The following SORCS1 variants were observed in gnomAD, a reference collection of about 807,000 sequenced individuals.
The protein encoded by SORCS1 is VPS10 domain-containing receptor SorCS1.
In SORCS1, 60 loss-of-function variants were observed where a neutral mutation model predicts 146.1. The ratio of observed to expected loss-of-function variants is 0.41; its 90% CI spans 0.33 to 0.51. The LOEUF (loss-of-function observed/expected upper bound fraction) is 0.51. Among genes scored for constraint, SORCS1 ranks in the 20% least tolerant of loss-of-function variants. SORCS1 has a pLI of 0.21. For missense variants in SORCS1, 1,352 were observed against 1,487.6 expected, an observed-to-expected ratio of 0.91 and a Z score of 1.50; for synonymous variants, 637 against 584.0, an observed-to-expected ratio of 1.09 and a Z score of -1.31.
chr10:106,990,781 T>A (rs534329108), intron 1 of SORCS1, among the ~76,000 whole-genome samples: 38 of 152,318 alleles, frequency 2.5e-4, no homozygotes, highest in African/African-American at 8.2e-4. Context: ...TCTGAAAAAT[T>A]GTGAGTACAC....
At chr10:106,891,504 C>CTTTTTTTTTTATTTTTTTTTTTTTTTTT (rs1951232002) in intron 2 of SORCS1, among the ~76,000 whole-genome samples, 1 of 97,260 alleles carries the variant, frequency 1.0e-5, no homozygotes, top group Non-Finnish European at 2.3e-5. Flanking sequence ...AATGGGAATT[C>CTTTTTTTTTTATTTTTTTTTTTTTTTTT]TTTTTTTTTT....
At chr10:107,109,676 T>G (rs1383336692) in intron 1 of SORCS1, among the ~76,000 whole-genome samples, 1 of 152,208 alleles carries the variant, frequency 6.6e-6, no homozygotes, top group African/African-American at 2.4e-5. Context: ...CCCTTTTAGT[T>G]ATGCAAATTT....
At chr10:107,129,575 C>T (rs938824088) in intron 1 of SORCS1, among the ~76,000 whole-genome samples, 1 of 152,178 alleles carries the variant, frequency 6.6e-6, no homozygotes, top group Non-Finnish European at 1.5e-5. Flanking sequence ...ATATTTCACA[C>T]GAGCATAATT....
intron 24 of SORCS1, among the ~76,000 whole-genome samples, chr10:106,587,972 A>T (rs1230674682): frequency 6.6e-6 from 1 of 152,240 alleles, no homozygotes; most frequent in Non-Finnish European, 1.5e-5. Context: ...CAAACTGGAA[A>T]GCCCAGCGTA....
chr10:106,877,260 T>C (rs1351720428), intron 2 of SORCS1, among the ~76,000 whole-genome samples: 1 of 152,184 alleles, frequency 6.6e-6, no homozygotes, highest in Non-Finnish European at 1.5e-5. Flanking sequence ...AGCATCAGTC[T>C]ACTTTTGAAC....
At chr10:107,163,192 A>T (rs559083965) in intron 1 of SORCS1, among the ~76,000 whole-genome samples, 2 of 152,180 alleles carry the variant, frequency 1.3e-5, no homozygotes, top group Non-Finnish European at 2.9e-5. Context: ...CATAAAGGGA[A>T]TGTTAAGTCT....
chr10:107,012,168 TC>T, intron 1 of SORCS1, among the ~76,000 whole-genome samples: 1 of 152,214 alleles, frequency 6.6e-6, no homozygotes, highest in East Asian at 1.9e-4. Context: ...AGTTGCAATT[TC>T]ACGCTTTCCT....
chr10:106,842,886 T>A (rs996083685), intron 2 of SORCS1, among the ~76,000 whole-genome samples: 2 of 152,192 alleles, frequency 1.3e-5, no homozygotes, highest in African/African-American at 4.8e-5. Context: ...GTGCTGAGAT[T>A]ACAGGCATGA....
intron 18 of SORCS1, among the ~76,000 whole-genome samples, chr10:106,633,736 C>G (rs554419015): frequency 6.6e-6 from 1 of 152,298 alleles, no homozygotes; most frequent in East Asian, 1.9e-4. Context: ...AAAATTAACT[C>G]TCATAGTTTA....
At chr10:106,770,258 A>AATT (rs1483371540) in intron 4 of SORCS1, among the ~76,000 whole-genome samples, 4 of 152,170 alleles carry the variant, frequency 2.6e-5, no homozygotes, top group Non-Finnish European at 5.9e-5. Context: ...TTATTTCATA[A>AATT]ACTGTGATCC....
intron 1 of SORCS1, among the ~76,000 whole-genome samples, chr10:107,027,960 A>C (rs927091205): frequency 3.9e-5 from 6 of 152,232 alleles, no homozygotes; most frequent in Non-Finnish European, 1.5e-5. Context: ...GAAGTCCTCA[A>C]AATATGTATG....
intron 1 of SORCS1, among the ~76,000 whole-genome samples, chr10:107,063,920 A>G (rs554737661): frequency 6.6e-6 from 1 of 152,336 alleles, no homozygotes; most frequent in East Asian, 1.9e-4. Context: ...AATACTTGAA[A>G]TGAATGTAGA....
At chr10:107,111,594 C>A (rs1965702495) in intron 1 of SORCS1, among the ~76,000 whole-genome samples, 1 of 151,936 alleles carries the variant, frequency 6.6e-6, no homozygotes, top group African/African-American at 2.4e-5. Flanking sequence ...ATCAATTGTA[C>A]AAATATATAA....
intron 3 of SORCS1, among the ~76,000 whole-genome samples, chr10:106,796,352 C>G (rs1170784034): frequency 6.6e-6 from 1 of 152,154 alleles, no homozygotes; most frequent in Non-Finnish European, 1.5e-5. Flanking sequence ...CAGCATGTTT[C>G]TAAATCTAAG....
At chr10:107,075,657 G>A (rs141588239) in intron 1 of SORCS1, among the ~76,000 whole-genome samples, 1 of 152,152 alleles carries the variant, frequency 6.6e-6, no homozygotes, top group African/African-American at 2.4e-5. Flanking sequence ...CAGATTCACA[G>A]AGAAATTGTC....
chr10:106,627,655 T>G (rs1179990857), intron 19 of SORCS1, among the ~76,000 whole-genome samples: 2 of 152,222 alleles, frequency 1.3e-5, no homozygotes, highest in Non-Finnish European at 2.9e-5. Flanking sequence ...GGATGGCAGT[T>G]AGATGGACAG....
At chr10:106,948,015 T>C (rs1954447072) in intron 2 of SORCS1, among the ~76,000 whole-genome samples, 1 of 152,204 alleles carries the variant, frequency 6.6e-6, no homozygotes, top group Non-Finnish European at 1.5e-5. Flanking sequence ...CTGGGATGCT[T>C]ACAAGCCTGG....
intron 16 of SORCS1, among the ~76,000 whole-genome samples, chr10:106,668,416 CCT>C (rs1429690001): frequency 6.6e-6 from 1 of 152,184 alleles, no homozygotes; most frequent in African/African-American, 2.4e-5. Context: ...TGTTTTAAAT[CCT>C]CTCTCTACTT....
At chr10:106,817,327 A>C (rs1324747124) in intron 3 of SORCS1, among the ~76,000 whole-genome samples, 1 of 152,180 alleles carries the variant, frequency 6.6e-6, no homozygotes, top group African/African-American at 2.4e-5. Context: ...TCCACAATTA[A>C]AGTTGTAGTT....
Sources: gnomAD v4.1 joint callset for allele counts (sites outside exome capture counted in the v4.1 genomes callset) on GRCh38, gnomAD v4.1.1 for gene constraint, MANE v1.5 for transcripts, NCBI Gene and HGNC (gene_info 2026-07-23, HGNC 2026-07-21) for gene names.